The following CLPB variants were observed in gnomAD, a reference collection of about 807,000 sequenced individuals.
CLPB encodes the protein mitochondrial disaggregase.
In CLPB, 40 loss-of-function variants were observed where a neutral mutation model predicts 78.4. That is an observed-to-expected ratio of 0.51 (90% CI 0.40 to 0.66). The LOEUF (loss-of-function observed/expected upper bound fraction) is 0.66. CLPB is among the 30% of genes least tolerant of loss of function. The pLI is 0.00. For missense variants in CLPB, 780 were observed against 886.9 expected, an observed-to-expected ratio of 0.88 and a Z score of 1.53; for synonymous variants, 333 against 348.0, an observed-to-expected ratio of 0.96 and a Z score of 0.48.
intron 2 of CLPB, chr11:72,408,137 A>G: frequency 6.5e-6 from 10 of 1,535,546 alleles, no homozygotes; most frequent in Non-Finnish European, 8.7e-6. Flanking sequence ...GGTGTTCTTC[A>G]GTGAGACTCC....
At chr11:72,423,995 T>C (rs954614675) in intron 2 of CLPB, among the ~76,000 whole-genome samples, 1 of 152,250 alleles carries the variant, frequency 6.6e-6, no homozygotes, top group African/African-American at 2.4e-5. Flanking sequence ...AGCTTTGATC[T>C]AGGACTTTGA....
chr11:72,414,010 C>G (rs1012102475), intron 2 of CLPB, among the ~76,000 whole-genome samples: 1 of 152,148 alleles, frequency 6.6e-6, no homozygotes. Flanking sequence ...CATGAGAGTA[C>G]AGGTCAGAGC....
chr11:72,422,415 A>G (rs898439020), intron 2 of CLPB, among the ~76,000 whole-genome samples: 4 of 152,228 alleles, frequency 2.6e-5, no homozygotes, highest in Admixed American at 2.6e-4. Flanking sequence ...TGACAAAAGT[A>G]AAACGAGGTC....
intron 2 of CLPB, among the ~76,000 whole-genome samples, chr11:72,414,577 C>T (rs1855966753): frequency 1.3e-5 from 2 of 152,174 alleles, no homozygotes; most frequent in Non-Finnish European, 2.9e-5. Context: ...TTCACTCACT[C>T]AACAAAACTG....
Position 72,292,120 on chromosome 11 carries a change from C to T in CLPB, c.*1247G>A. On this transcript the variant is annotated 3_prime_UTR_variant, in exon 16 of 16. Transcript: ENST00000538039. ...CCTGAGGGGTAGACAGTGATCCAAG[C>T]ATCTGCTGGAGCTCACACCCTGGAT... is the stretch of plus-strand genomic sequence containing the variant. 1 of 151,632 alleles carries T rather than the reference C, an allele frequency of 6.6e-6. No homozygotes were observed. The highest frequency in any genetic ancestry group is 1.5e-5 in the Non-Finnish European group (1 of 68,016). 9.4% of individuals were successfully genotyped at this position (151,632 alleles called of 1,614,324 possible). A position where few individuals can be genotyped will look rare whatever the true frequency, so the allele number is the denominator to read the frequency against.
chr11:72,354,423 T>A, intron 5 of CLPB: 2 of 398,214 alleles, frequency 5.0e-6, no homozygotes, highest in Non-Finnish European at 8.9e-6. Flanking sequence ...ATTAGAGATA[T>A]GTTTTAGGAA....
At chr11:72,372,851 G>C in intron 4 of CLPB, 2 of 1,328,000 alleles carry the variant, frequency 1.5e-6, no homozygotes, top group Non-Finnish European at 2.2e-6. Flanking sequence ...CTGAGTAAAA[G>C]AGATAGTCAG....
At chr11:72,413,455 C>T (rs1238401819) in intron 2 of CLPB, among the ~76,000 whole-genome samples, 2 of 152,062 alleles carry the variant, frequency 1.3e-5, no homozygotes, top group Admixed American at 1.3e-4. Context: ...AATACTTCAT[C>T]GAGCATATAC....
At chr11:72,350,033 C>T (rs1209214117) in intron 5 of CLPB, among the ~76,000 whole-genome samples, 1 of 152,246 alleles carries the variant, frequency 6.6e-6, no homozygotes, top group Non-Finnish European at 1.5e-5. Flanking sequence ...CTCTGGAGAG[C>T]ATGGGCTCTG....
At chr11:72,314,497 C>T (rs1160362791) in intron 7 of CLPB, among the ~76,000 whole-genome samples, 3 of 152,086 alleles carry the variant, frequency 2.0e-5, no homozygotes, top group Non-Finnish European at 4.4e-5. Context: ...CAGGGTACAT[C>T]CTAGAGCCCA....
chr11:72,362,473 C>T (rs1371279046), intron 4 of CLPB, among the ~76,000 whole-genome samples: 3 of 152,150 alleles, frequency 2.0e-5, no homozygotes, highest in Admixed American at 1.3e-4. Flanking sequence ...AAACAAGGTC[C>T]TAATATTATC....
intron 5 of CLPB, chr11:72,354,234 T>C (rs1033568024): frequency 2.6e-6 from 1 of 388,482 alleles, no homozygotes; most frequent in African/African-American, 2.1e-5. Context: ...CAAAAAAAAA[T>C]TGACTAGTGA....
chr11:72,431,471 T>A (rs543681495), intron 1 of CLPB, among the ~76,000 whole-genome samples: 3 of 152,244 alleles, frequency 2.0e-5, no homozygotes, highest in African/African-American at 7.2e-5. Context: ...CTAGCCCACC[T>A]ATCTAACCTC....
Position 72,356,680 on chromosome 11 carries a change from G to A in CLPB, c.775+2200C>T, listed in dbSNP as rs149570821. Among the ~76,000 whole-genome samples, 73 of 152,356 alleles carry A rather than the reference G, an allele frequency of 4.8e-4. No individual in the cohort carries two copies. In the East Asian group the frequency reaches 9.8e-3, roughly 21 times the overall value. On this transcript the variant is annotated intron_variant, in intron 5 of 15. Transcript: ENST00000538039. ...AAGGGCATCTGTTCCAAGTCAACAG[G>A]CAGGAACCATGCCCCTGGAACGGCT...
intron 1 of CLPB, among the ~76,000 whole-genome samples, chr11:72,433,572 T>C (rs989516239): frequency 6.6e-6 from 1 of 150,438 alleles, no homozygotes; most frequent in Non-Finnish European, 1.5e-5. Flanking sequence ...AATAAATAAA[T>C]AAATAAATAA....
At chr11:72,309,581 G>A (rs913334966) in intron 7 of CLPB, among the ~76,000 whole-genome samples, 2 of 152,174 alleles carry the variant, frequency 1.3e-5, no homozygotes, top group African/African-American at 2.4e-5. Context: ...TACTGAACAC[G>A]AAACTGAGGC....
Position 72,434,169 on chromosome 11 carries a change from G to A in CLPB, c.306C>T (p.Asp102=), listed in dbSNP as rs1318142198. ...PGPEETLPGQ[D]SWNGVPSRAG... ...CCCTGCTGGGGACCCCGTTCCAGCT[G>A]TCCTGTCCTGGGAGTGTTTCTTCGG... Residue 102 remains aspartate (D), a synonymous_variant, in exon 1 of 16, where the codon GAC becomes GAT. Coordinates refer to ENST00000538039, the MANE Select transcript of CLPB (RefSeq NM_001258392.3). The A allele has an allele frequency of 1.9e-6, 3 of 1,613,178 alleles. No homozygotes were observed. The highest frequency in any genetic ancestry group is 2.5e-6 in the Non-Finnish European group (3 of 1,180,012).
intron 7 of CLPB, among the ~76,000 whole-genome samples, chr11:72,311,800 C>T (rs1272968788): frequency 6.6e-6 from 1 of 152,240 alleles, no homozygotes; most frequent in Non-Finnish European, 1.5e-5. Context: ...AGCCTGGCTC[C>T]CTTCTCTGGC....
At chr11:72,368,904 T>G (rs541052816) in intron 4 of CLPB, among the ~76,000 whole-genome samples, 1 of 152,186 alleles carries the variant, frequency 6.6e-6, no homozygotes, top group Non-Finnish European at 1.5e-5. Context: ...TCCTTAGGAA[T>G]AGGACCTCAC....
Sources: allele counts gnomAD v4.1 joint callset (sites outside exome capture counted in the v4.1 genomes callset), GRCh38; gene constraint gnomAD v4.1.1; transcripts MANE v1.5; gene names NCBI Gene and HGNC (gene_info 2026-07-23, HGNC 2026-07-21).